The following CAPN14 variants were observed in gnomAD, a reference collection of about 807,000 sequenced individuals.
The protein encoded by CAPN14 is calpain 14.
Under a neutral mutation model 101.3 loss-of-function variants are expected in CAPN14, and 94 were observed. The observed-to-expected ratio is 0.93, with a 90% CI of 0.79 to 1.10. CAPN14 has a LOEUF of 1.10. Among genes scored for constraint, CAPN14 ranks in the 50% least tolerant of loss-of-function variants. CAPN14 has a pLI of 0.00. For missense variants in CAPN14, 837 were observed against 828.4 expected (o/e 1.01, Z -0.13); for synonymous variants, 338 against 317.9 (o/e 1.06, Z -0.67).
chr2:31,181,230 T>C (rs1680580073), intron 16 of CAPN14, among the ~76,000 whole-genome samples: 1 of 151,996 alleles, frequency 6.6e-6, no homozygotes, highest in African/African-American at 2.4e-5. Context: ...TGGGTTTGCT[T>C]ACACAGAGGG....
intron 16 of CAPN14, among the ~76,000 whole-genome samples, chr2:31,182,372 T>C (rs1289125811): frequency 6.7e-5 from 10 of 148,756 alleles, no homozygotes; most frequent in East Asian, 1.9e-4. Context: ...GGGTATTCAA[T>C]TGGGAAGAGA....
upstream of CAPN14, among the ~76,000 whole-genome samples, chr2:31,219,145 G>A (rs1201113900): frequency 2.0e-5 from 3 of 152,012 alleles, no homozygotes; most frequent in African/African-American, 7.3e-5. Context: ...TGTCTAAGTT[G>A]TTGTTATGGT....
chr2:31,226,631 G>C (rs2044243), exon 2 of CAPN14: 66,142 of 152,062 alleles, frequency 0.43, 15,117 homozygotes, highest in Middle Eastern at 0.56. Context: ...TGTTGAGTGG[G>C]ATGGTGCAAT....
At position 31,193,823 on chromosome 2, in the gene CAPN14, G is replaced by A. The variant is rs188078311; in HGVS notation, c.951-529C>T. 2.4e-3 allele frequency among the ~76,000 whole-genome samples: 358 copies of A among 152,340 alleles called. 1 individual carries two copies. The highest frequency in any genetic ancestry group is 7.3e-3 in the Admixed American group (111 of 15,304). On this transcript the variant is annotated intron_variant, in intron 9 of 21. Coordinates refer to ENST00000403897, the MANE Select transcript of CAPN14 (RefSeq NM_001145122.2). Reference sequence around the variant, plus strand: ...GTGAAAGACCTTCCAAAGGGAGAGGGCGGTGGCAGGCTGTACTGGATGGTT... The same window carrying A: ...GTGAAAGACCTTCCAAAGGGAGAGGACGGTGGCAGGCTGTACTGGATGGTT...
intron 2 of CAPN14, among the ~76,000 whole-genome samples, chr2:31,204,269 A>G (rs1359428914): frequency 2.6e-5 from 4 of 152,202 alleles, no homozygotes; most frequent in African/African-American, 9.7e-5. Context: ...ATCCCTTCTC[A>G]TGGAGATCAA....
chr2:31,212,336 A>T (rs1443542869), intron 1 of CAPN14, among the ~76,000 whole-genome samples: 2 of 151,756 alleles, frequency 1.3e-5, no homozygotes, highest in East Asian at 1.9e-4. Flanking sequence ...AACAAAAAAA[A>T]CACAATGTGG....
chr2:31,224,869 A>G (rs1469808402), intron 2 of CAPN14, among the ~76,000 whole-genome samples: 2 of 152,082 alleles, frequency 1.3e-5, no homozygotes, highest in Non-Finnish European at 2.9e-5. Context: ...GATATAAAAG[A>G]TTTGTGAATA....
chr2:31,185,952 G>A (rs920857915), intron 16 of CAPN14, among the ~76,000 whole-genome samples: 4 of 152,154 alleles, frequency 2.6e-5, no homozygotes, highest in African/African-American at 9.6e-5. Flanking sequence ...TCATATGAAA[G>A]CCTCACGCTA....
chr2:31,197,797 G>T (rs1248024223), intron 7 of CAPN14, among the ~76,000 whole-genome samples: 3 of 152,184 alleles, frequency 2.0e-5, no homozygotes, highest in African/African-American at 4.8e-5. Context: ...TGGAGGCAGA[G>T]AATGGAGTTA....
rs778745767 is a variant in CAPN14 at position 31,199,483 on chromosome 2, G to A, written c.776C>T (p.Thr259Ile). 3.5e-5 allele frequency: 54 copies of A among 1,551,430 alleles called. No homozygotes were observed. The highest frequency in any genetic ancestry group is 4.5e-5 in the Non-Finnish European group (52 of 1,146,932). ...ACCTCAACCCACCTTCCTGATTCCT[G>A]TGAGAGTATAGGCATGGCCTTCCAC... ...GLVEGHAYTLTGIRKVTCKHR... is the reference protein window; with the variant it reads ...GLVEGHAYTLIGIRKVTCKHR... Residue 259 changes from threonine to isoleucine, a missense_variant, in exon 7 of 22, where the codon ACA becomes ATA. Thr to Ile is a moderately conservative substitution (Grantham distance 89). Coordinates refer to ENST00000403897, the MANE Select transcript of CAPN14 (RefSeq NM_001145122.2).
intron 5 of CAPN14, among the ~76,000 whole-genome samples, chr2:31,201,629 A>G (rs1441281107): frequency 2.0e-5 from 3 of 152,234 alleles, no homozygotes; most frequent in Non-Finnish European, 4.4e-5. Flanking sequence ...ATATACACTC[A>G]GAGCTCCTAT....
rs1023775094 is a variant in CAPN14, at chr2:31,230,463, C to A, written c.-177+3328G>T. Among the ~76,000 whole-genome samples, 2 of 152,216 alleles carry A rather than the reference C, an allele frequency of 1.3e-5. No homozygotes were observed. The highest frequency in any genetic ancestry group is 1.5e-5 in the Non-Finnish European group (1 of 68,038). On this transcript the variant is annotated intron_variant and NMD_transcript_variant, in intron 1 of 21. Coordinates refer to the CAPN14 transcript ENST00000398824. This position sits in a 1 kb window ranked among gnomAD's most constrained non-coding sequence, Gnocchi z 4.3. ...CTGTTTCCCAAAGTATTTGTGCCAGCCTGCACGCCCATCAGCATTTTATGA... is the reference window on the plus strand; with the variant it reads ...CTGTTTCCCAAAGTATTTGTGCCAGACTGCACGCCCATCAGCATTTTATGA...
At chr2:31,177,894 T>C (rs1680390531) in intron 18 of CAPN14, 73 bp from the exon 19 acceptor site, 6 of 1,069,084 alleles carry the variant, frequency 5.6e-6, no homozygotes, top group East Asian at 2.6e-5. Context: ...TGTGTGCCCC[T>C]TGTCAGCACC....
chr2:31,233,575 C>T (rs1193849682), intron 1 of CAPN14, among the ~76,000 whole-genome samples: 1 of 152,200 alleles, frequency 6.6e-6, no homozygotes, highest in Non-Finnish European at 1.5e-5. Context: ...AAAATTGTAA[C>T]TGCCCCATAA....
At position 31,198,712 on chromosome 2, in the gene CAPN14, G is replaced by A. The variant is rs532383333; in HGVS notation, c.789+758C>T. Among the ~76,000 whole-genome samples the A allele has an allele frequency of 7.9e-5, 12 of 152,198 alleles. 1 individual carries two copies. In the South Asian group the frequency reaches 2.5e-3, roughly 32 times the overall value. On this transcript the variant is annotated intron_variant, in intron 7 of 21. Coordinates refer to ENST00000403897, the MANE Select transcript of CAPN14 (RefSeq NM_001145122.2). ...AGAGTTAAAGGAAACTGGAGTACTT[G>A]GGAAGAGTTGGGCCCTCTAGAGAAT... is the stretch of plus-strand genomic sequence containing the variant.
At chr2:31,225,121 C>G (rs772603124) in intron 2 of CAPN14, among the ~76,000 whole-genome samples, 3 of 151,470 alleles carry the variant, frequency 2.0e-5, no homozygotes, top group African/African-American at 7.3e-5. Flanking sequence ...CAAAACAATA[C>G]GAAAAACACT....
intron 15 of CAPN14, 134 bp downstream of exon 15, chr2:31,187,624 G>A: frequency 5.6e-6 from 4 of 710,050 alleles, no homozygotes; most frequent in Non-Finnish European, 9.3e-6. Flanking sequence ...GAAAGTGGCA[G>A]TTTGGGCAAT....
chr2:31,189,197 C>T, intron 13 of CAPN14, 76 bp downstream of exon 13: 1 of 1,330,806 alleles, frequency 7.5e-7, no homozygotes, highest in Non-Finnish European at 1.1e-6. Flanking sequence ...TGGTTTCTGC[C>T]ATTTCCAACC....
At chr2:31,200,664 T>G in intron 5 of CAPN14, 39 bp from the exon 6 acceptor site, 2 of 1,496,916 alleles carry the variant, frequency 1.3e-6, no homozygotes, top group Middle Eastern at 3.5e-4. Flanking sequence ...GAAAAAAGTA[T>G]CATGAGTATT....
Sources: allele counts gnomAD v4.1 joint callset (sites outside exome capture counted in the v4.1 genomes callset), GRCh38; gene constraint gnomAD v4.1.1; non-coding constraint Gnocchi (gnomAD v3.1); transcripts MANE v1.5; gene names NCBI Gene and HGNC (gene_info 2026-07-23, HGNC 2026-07-21).